The following SYN3 variants were observed in gnomAD, a reference collection of about 807,000 sequenced individuals.
The protein encoded by SYN3 is synapsin III.
SYN3 carries 35 observed loss-of-function variants against 65.8 expected under a neutral mutation model. The ratio of observed to expected loss-of-function variants is 0.53; its 90% CI spans 0.41 to 0.70. SYN3 has a LOEUF of 0.70. Among genes scored for constraint, SYN3 ranks in the 30% least tolerant of loss-of-function variants. The pLI is 0.00. For synonymous variants in SYN3, 270 were observed against 292.9 expected, an observed-to-expected ratio of 0.92 and a Z score of 0.80; for missense variants, 680 against 749.0, an observed-to-expected ratio of 0.91 and a Z score of 1.08.
chr22:32,979,593 CTA>C (rs2052312171), intron 3 of SYN3, among the ~76,000 whole-genome samples: 1 of 152,098 alleles, frequency 6.6e-6, no homozygotes, highest in African/African-American at 2.4e-5. Flanking sequence ...AGGACCTTGT[CTA>C]TGTTATTTAC....
intron 1 of SYN3, among the ~76,000 whole-genome samples, chr22:33,045,553 T>C (rs1217018980): frequency 2.1e-5 from 3 of 144,096 alleles, no homozygotes; most frequent in Non-Finnish European, 4.5e-5. Flanking sequence ...CTGCAAGCTC[T>C]GCCTCCCGGG....
At chr22:32,581,090 T>C (rs1156524588) in intron 7 of SYN3, among the ~76,000 whole-genome samples, 1 of 152,224 alleles carries the variant, frequency 6.6e-6, no homozygotes, top group Non-Finnish European at 1.5e-5. Context: ...CCTTTTCCAC[T>C]AGGGACATTT....
chr22:32,733,202 G>A (rs965091235), intron 6 of SYN3, among the ~76,000 whole-genome samples: 5 of 152,242 alleles, frequency 3.3e-5, no homozygotes, highest in East Asian at 1.9e-4. Context: ...GCCACAAAGC[G>A]AAATTTGATT....
chr22:32,924,672 T>C (rs1244321002), intron 4 of SYN3, among the ~76,000 whole-genome samples: 1 of 152,236 alleles, frequency 6.6e-6, no homozygotes, highest in East Asian at 1.9e-4. Flanking sequence ...TGTAAACACA[T>C]TAAATTTCAA....
chr22:32,745,048 C>T (rs540779911), intron 6 of SYN3, among the ~76,000 whole-genome samples: 12 of 151,134 alleles, frequency 7.9e-5, no homozygotes, highest in East Asian at 5.8e-4. Flanking sequence ...AGGGAAGAAA[C>T]GGCACTCTTC....
At chr22:32,889,968 C>T (rs2049396974) in intron 4 of SYN3, among the ~76,000 whole-genome samples, 1 of 151,320 alleles carries the variant, frequency 6.6e-6, no homozygotes, top group African/African-American at 2.4e-5. Flanking sequence ...GCCAGTTTCA[C>T]CTACTCTGAG....
At chr22:32,874,676 A>G (rs2048936941) in intron 4 of SYN3, among the ~76,000 whole-genome samples, 1 of 152,222 alleles carries the variant, frequency 6.6e-6, no homozygotes, top group South Asian at 2.1e-4. Flanking sequence ...CTGGTCCCCA[A>G]GAGCCAGGTT....
chr22:32,763,380 T>G lies in SYN3; in HGVS notation c.711+101535A>C, dbSNP rs184738855. 3.5e-3 allele frequency among the ~76,000 whole-genome samples: 533 copies of G among 152,018 alleles called. 4 individuals are homozygous for G. The highest frequency in any genetic ancestry group is 4.9e-3 in the Non-Finnish European group (336 of 67,970). ...GTTAGCCAGGATGGTCTTGATCTCC[T>G]GACCTCATGATCCGCCTGCCTTGGC... is the stretch of plus-strand genomic sequence containing the variant. On this transcript the variant is annotated intron_variant, in intron 6 of 13. Transcript: ENST00000358763.
At chr22:32,683,744 A>T (rs1289215230) in intron 6 of SYN3, among the ~76,000 whole-genome samples, 2 of 152,174 alleles carry the variant, frequency 1.3e-5, no homozygotes, top group African/African-American at 2.4e-5. Flanking sequence ...GTACTTCAGA[A>T]GGAAGTATTT....
intron 6 of SYN3, among the ~76,000 whole-genome samples, chr22:32,722,742 C>A (rs1300455390): frequency 6.6e-6 from 1 of 152,186 alleles, no homozygotes; most frequent in Non-Finnish European, 1.5e-5. Context: ...CACTGCCAGT[C>A]CCCCAAACCC....
At chr22:32,826,972 G>A (rs528114708) in intron 6 of SYN3, among the ~76,000 whole-genome samples, 1 of 152,304 alleles carries the variant, frequency 6.6e-6, no homozygotes, top group African/African-American at 2.4e-5. Context: ...AACCCCAGCT[G>A]AAGGAAGCAA....
intron 6 of SYN3, among the ~76,000 whole-genome samples, chr22:32,695,464 C>T (rs528548668): frequency 1.3e-5 from 2 of 152,300 alleles, no homozygotes; most frequent in Non-Finnish European, 2.9e-5. Flanking sequence ...CAGCAGATTC[C>T]ATTTGAGTTT....
At chr22:32,838,816 C>A (rs150540609) in intron 6 of SYN3, among the ~76,000 whole-genome samples, 1 of 151,910 alleles carries the variant, frequency 6.6e-6, no homozygotes, top group African/African-American at 2.4e-5. Context: ...TTCATTCATT[C>A]AACATTTTTG....
At chr22:32,998,792 A>AAAC (rs2052970883) in intron 2 of SYN3, among the ~76,000 whole-genome samples, 1 of 66,390 alleles carries the variant, frequency 1.5e-5, no homozygotes, top group African/African-American at 3.5e-5. Flanking sequence ...AAAAAAAAAA[A>AAAC]AAAAAAACAA....
rs71187210 is a variant in SYN3, at chr22:32,741,347, A to ATTT, written c.711+123565_711+123567dup. ...CCAAGCATTCTGGCTCTAGAGCCCA[A>ATTT]TTTTTTTTTTTTTTTTTTTTTTTTT... On this transcript the variant is annotated intron_variant, in intron 6 of 13. Coordinates refer to ENST00000358763, the MANE Select transcript of SYN3 (RefSeq NM_003490.4). Among the ~76,000 whole-genome samples, 71 of 98,688 alleles carry ATTT rather than the reference A, an allele frequency of 7.2e-4. 5 individuals are homozygous for ATTT. The highest frequency in any genetic ancestry group is 5.8e-3 in the Middle Eastern group (1 of 172). The allele number at this position is 98,688 out of a possible 152,430, so 64.7% of individuals were successfully genotyped here. A position where few individuals can be genotyped will look rare whatever the true frequency, so the allele number is the denominator to read the frequency against.
At chr22:32,597,238 C>T (rs75942433) in intron 6 of SYN3, among the ~76,000 whole-genome samples, 16,176 of 88,870 alleles carry the variant, frequency 0.18, 2,113 homozygotes, top group Middle Eastern at 0.41. Flanking sequence ...TTTTTTGGGA[C>T]AAGTCTTGCT....
intron 6 of SYN3, among the ~76,000 whole-genome samples, chr22:32,686,115 A>G (rs2060585547): frequency 1.3e-5 from 2 of 152,254 alleles, no homozygotes; most frequent in African/African-American, 4.8e-5. Context: ...GTTCTTTTTT[A>G]TTTCTTTTTA....
At chr22:32,529,616 T>G (rs532298156) in intron 10 of SYN3, among the ~76,000 whole-genome samples, 1 of 152,212 alleles carries the variant, frequency 6.6e-6, no homozygotes, top group African/African-American at 2.4e-5. Flanking sequence ...CCTTCTGCTG[T>G]TTTTACAAAT....
At chr22:32,560,049 T>C (rs984871575) in intron 7 of SYN3, among the ~76,000 whole-genome samples, 1 of 152,216 alleles carries the variant, frequency 6.6e-6, no homozygotes, top group Admixed American at 6.5e-5. Flanking sequence ...GTAAACACAC[T>C]GTGCCTGCAG....
Sources: allele counts gnomAD v4.1 joint callset (sites outside exome capture counted in the v4.1 genomes callset), GRCh38; gene constraint gnomAD v4.1.1; transcripts MANE v1.5; gene names NCBI Gene and HGNC (gene_info 2026-07-23, HGNC 2026-07-21).